Variants in KBTBD11 observed in about 807,000 individuals in gnomAD.
KBTBD11 encodes the protein kelch repeat and BTB domain containing 11, also known as kelch repeat and BTB domain-containing protein 11.
For missense variants in KBTBD11, 1,390 were observed against 1,001.8 expected (o/e 1.39, Z -5.23); for synonymous variants, 747 against 499.0 (o/e 1.50, Z -6.63).
intron 1 of KBTBD11, chr8:1,976,151 A>T (rs1816335139): frequency 6.6e-6 from 1 of 152,162 alleles, no homozygotes. Flanking sequence ...TGGGCTTGAG[A>T]AGGGCCCGGA....
chr8:1,981,155 T>C (rs1015570118), intron 1 of KBTBD11, among the ~76,000 whole-genome samples: 1 of 152,058 alleles, frequency 6.6e-6, no homozygotes, highest in South Asian at 2.1e-4. Context: ...CTGAAGGAAA[T>C]AAAAACTTGC....
chr8:1,974,344 G>T (rs1446933671), intron 1 of KBTBD11: 63 of 984,516 alleles, frequency 6.4e-5, no homozygotes, highest in Non-Finnish European at 6.9e-5. Context: ...CGCCCCCGCC[G>T]AGGGTCCCGC....
At chr8:1,996,482 G>T (rs1817141371) in intron 1 of KBTBD11, among the ~76,000 whole-genome samples, 1 of 152,084 alleles carries the variant, frequency 6.6e-6, no homozygotes, top group Non-Finnish European at 1.5e-5. Context: ...TGGCCAAGCT[G>T]GTCTTGAACT....
At chr8:1,987,555 G>A (rs1353749680) in intron 1 of KBTBD11, among the ~76,000 whole-genome samples, 2 of 151,992 alleles carry the variant, frequency 1.3e-5, no homozygotes, top group African/African-American at 2.4e-5. Flanking sequence ...GCACCCCTGC[G>A]CTCCGGCCAC....
chr8:1,989,442 ACCGCACACT>A (rs1328500773), intron 1 of KBTBD11, among the ~76,000 whole-genome samples: 4 of 152,142 alleles, frequency 2.6e-5, no homozygotes, highest in African/African-American at 9.7e-5. Context: ...GACCAAGTTG[ACCGCACACT>A]TCTGTGCAAG....
At chr8:1,980,084 A>G (rs902470796) in intron 1 of KBTBD11, among the ~76,000 whole-genome samples, 1 of 152,084 alleles carries the variant, frequency 6.6e-6, no homozygotes, top group African/African-American at 2.4e-5. Flanking sequence ...TTTTCTATGA[A>G]TCTCTTGGGA....
At chr8:1,991,685 C>G (rs57121067) in intron 1 of KBTBD11, among the ~76,000 whole-genome samples, 1 of 152,026 alleles carries the variant, frequency 6.6e-6, no homozygotes, top group South Asian at 2.1e-4. Flanking sequence ...CAGCCAGGAT[C>G]CCGAGGCCTG....
At chr8:1,988,743 T>C (rs997775469) in intron 1 of KBTBD11, among the ~76,000 whole-genome samples, 1 of 152,246 alleles carries the variant, frequency 6.6e-6, no homozygotes, top group Non-Finnish European at 1.5e-5. Flanking sequence ...CCCATGGGGC[T>C]GGGACCAAGT....
intron 1 of KBTBD11, among the ~76,000 whole-genome samples, chr8:1,995,403 T>A (rs928585150): frequency 6.6e-6 from 1 of 152,172 alleles, no homozygotes; most frequent in African/African-American, 2.4e-5. Flanking sequence ...ATGGGCTGCA[T>A]TTTACAAGGA....
At chr8:1,978,857 C>A (rs1004892547) in intron 1 of KBTBD11, among the ~76,000 whole-genome samples, 1 of 152,066 alleles carries the variant, frequency 6.6e-6, no homozygotes, top group Non-Finnish European at 1.5e-5. Flanking sequence ...AAGACTTGGG[C>A]TCCAGGAAGT....
In KBTBD11 at chr8:1,975,801, G is replaced by T. The variant is rs182093572; in HGVS notation, c.-909+1866G>T. 3.6e-3 allele frequency: 542 copies of T among 152,352 alleles called. 7 individuals carry two copies. The highest frequency in any genetic ancestry group is 0.021 in the Admixed American group (327 of 15,302). The allele number at this position is 152,352 out of a possible 1,614,324, so 9.4% of individuals were successfully genotyped here. A position where few individuals can be genotyped will look rare whatever the true frequency, so the allele number is the denominator to read the frequency against. On this transcript the variant is annotated intron_variant, in intron 1 of 1. Coordinates refer to ENST00000320248, the MANE Select transcript of KBTBD11 (RefSeq NM_014867.3). ...ACCTCAGAGCACCTTGCTCTGGGTG[G>T]ATGGAAGAATCCGGAAAGGTGGTTT...
intron 1 of KBTBD11, among the ~76,000 whole-genome samples, chr8:1,990,220 G>T (rs1369323369): frequency 2.0e-5 from 3 of 151,158 alleles, no homozygotes; most frequent in East Asian, 3.9e-4. Flanking sequence ...CCAGGTGGGT[G>T]CTGGGCCTTG....
chr8:1,974,421 C>T (rs922005012), intron 1 of KBTBD11: 83 of 985,036 alleles, frequency 8.4e-5, no homozygotes, highest in Non-Finnish European at 9.2e-5. Context: ...GGCGGGGGCT[C>T]CTCCCGGGGT....
rs143413448 is a variant in KBTBD11 at position 2,005,125 on chromosome 8, C to T, written c.*2061C>T. ...TGGATGTTGGATGGGGGTGGTTGCA[C>T]AGTCCTGTGCGGTTCCCATGGCTTT... On this transcript the variant is annotated 3_prime_UTR_variant, in exon 2 of 2. Transcript: ENST00000320248. The T allele has an allele frequency of 9.0e-5, 15 of 167,202 alleles. No homozygotes were observed. Among genetic ancestry groups the T allele is most frequent in the Admixed American group, 2.6e-4 (4 of 15,306 alleles). The allele number at this position is 167,202 out of a possible 1,614,324, so 10.4% of individuals were successfully genotyped here. A position where few individuals can be genotyped will look rare whatever the true frequency, so the allele number is the denominator to read the frequency against.
intron 1 of KBTBD11, among the ~76,000 whole-genome samples, chr8:1,978,322 T>C (rs1816420154): frequency 6.6e-6 from 1 of 152,230 alleles, no homozygotes; most frequent in South Asian, 2.1e-4. Context: ...TGGGCACAGC[T>C]CACCTTGGTG....
intron 1 of KBTBD11, among the ~76,000 whole-genome samples, chr8:1,993,520 C>CCAT (rs1817007899): frequency 2.6e-5 from 3 of 117,616 alleles, no homozygotes; most frequent in South Asian, 3.2e-4. Flanking sequence ...CATCCATCCA[C>CCAT]CCATCCATCC....
At position 1,973,692 on chromosome 8, in the gene KBTBD11, C is replaced by T. The variant is rs1280326643; in HGVS notation, c.-1152C>T. The stretch of plus-strand genomic sequence containing the variant: ...CCCCCTCCCCGCGCCCCGCGCGCGC[C>T]CCTCGCAGCCTGGAGCCGGAGCGCT... On this transcript the variant is annotated 5_prime_UTR_variant, in exon 1 of 2. Transcript: ENST00000320248. 2 of 983,590 alleles carry T rather than the reference C, an allele frequency of 2.0e-6. No homozygotes were observed. Among genetic ancestry groups the T allele is most frequent in the Non-Finnish European group, 2.4e-6 (2 of 829,222 alleles). The allele number at this position is 983,590 out of a possible 1,614,324, so 60.9% of individuals were successfully genotyped here. A position where few individuals can be genotyped will look rare whatever the true frequency, so the allele number is the denominator to read the frequency against.
rs532447311 is a variant in KBTBD11 at position 1,980,990 on chromosome 8, A to G, written c.-909+7055A>G. 1.3e-3 allele frequency among the ~76,000 whole-genome samples: 202 copies of G among 152,224 alleles called. 2 individuals carry two copies. The highest frequency in any genetic ancestry group is 6.5e-4 in the Non-Finnish European group (44 of 68,046). On this transcript the variant is annotated intron_variant, in intron 1 of 1. Coordinates refer to ENST00000320248, the MANE Select transcript of KBTBD11 (RefSeq NM_014867.3). ...CTTGTTTCATATGTCTGGCATTGCA[A>G]CAGGGCAAAATAGTAACAAGGGCAG... is the stretch of plus-strand genomic sequence containing the variant.
intron 1 of KBTBD11, among the ~76,000 whole-genome samples, chr8:1,996,328 G>A (rs10092689): frequency 0.43 from 64,956 of 151,900 alleles, 15,585 homozygotes; most frequent in East Asian, 0.77. Context: ...GTGCAATGGC[G>A]TGATCTCGGC....
Sources: allele counts gnomAD v4.1 joint callset (sites outside exome capture counted in the v4.1 genomes callset), GRCh38; gene constraint gnomAD v4.1.1; transcripts MANE v1.5; gene names NCBI Gene and HGNC (gene_info 2026-07-23, HGNC 2026-07-21).